TRERF1: variants seen among roughly 807,000 people sequenced by gnomAD.
TRERF1 encodes transcriptional-regulating factor 1.
A neutral mutation model predicts 122.9 loss-of-function variants in TRERF1; 27 were observed. The observed-to-expected ratio is 0.22, with a 90% CI of 0.16 to 0.30. The LOEUF is 0.30. TRERF1 is among the 10% of genes least tolerant of loss of function. TRERF1 has a pLI of 1.00. For synonymous variants in TRERF1, 636 were observed against 641.7 expected (o/e 0.99, Z 0.13); for missense variants, 1,248 against 1,560.3 (o/e 0.80, Z 3.37).
At chr6:42,254,178 G>A (rs1027468358) in intron 13 of TRERF1, among the ~76,000 whole-genome samples, 2 of 152,060 alleles carry the variant, frequency 1.3e-5, no homozygotes, top group Admixed American at 6.5e-5. Flanking sequence ...AAAACCCTGC[G>A]TGTATGAAGA....
At chr6:42,243,806 T>A (rs1774214782) in intron 14 of TRERF1, among the ~76,000 whole-genome samples, 3 of 151,480 alleles carry the variant, frequency 2.0e-5, no homozygotes, top group Admixed American at 2.0e-4. Context: ...GGTCTTGATC[T>A]CCTGACCTCG....
chr6:42,450,410 G>A (rs1582317603), intron 2 of TRERF1, among the ~76,000 whole-genome samples: 1 of 152,368 alleles, frequency 6.6e-6, no homozygotes, highest in African/African-American at 2.4e-5. Context: ...AGACAGCCCA[G>A]GCCATGCTGA....
intron 2 of TRERF1, among the ~76,000 whole-genome samples, chr6:42,398,572 T>C (rs1175488795): frequency 6.6e-6 from 1 of 152,210 alleles, no homozygotes; most frequent in Non-Finnish European, 1.5e-5. Context: ...AGTTATGTTA[T>C]GGTTCTGCCC....
At chr6:42,378,725 A>G (rs1775355587) in intron 2 of TRERF1, among the ~76,000 whole-genome samples, 1 of 152,176 alleles carries the variant, frequency 6.6e-6, no homozygotes, top group Non-Finnish European at 1.5e-5. Context: ...GAGGGGAAGT[A>G]ACTGTCCAAG....
chr6:42,294,268 G>A (rs574181352), intron 4 of TRERF1, among the ~76,000 whole-genome samples: 16 of 142,772 alleles, frequency 1.1e-4, no homozygotes, highest in Admixed American at 5.3e-4. Context: ...TGCAACCTCC[G>A]CTTCCTGGGT....
chr6:42,357,826 A>G (rs1303618253), intron 3 of TRERF1, among the ~76,000 whole-genome samples: 1 of 152,198 alleles, frequency 6.6e-6, no homozygotes, highest in African/African-American at 2.4e-5. Flanking sequence ...TGAAAGCAGA[A>G]TGAGTAATGT....
chr6:42,387,948 C>T (rs1289008251), intron 2 of TRERF1, among the ~76,000 whole-genome samples: 1 of 152,162 alleles, frequency 6.6e-6, no homozygotes, highest in Non-Finnish European at 1.5e-5. Flanking sequence ...GCTGGAATCA[C>T]AGGTACATGC....
At chr6:42,425,512 G>A (rs887203247) in intron 2 of TRERF1, among the ~76,000 whole-genome samples, 5 of 131,926 alleles carry the variant, frequency 3.8e-5, no homozygotes, top group Non-Finnish European at 6.3e-5. Context: ...TACCTAAACC[G>A]ACACGGCCCC....
At position 42,393,603 on chromosome 6, in the gene TRERF1, T is replaced by C. The variant is rs757278624; in HGVS notation, c.-453-30524A>G. Among the ~76,000 whole-genome samples the C allele has an allele frequency of 2.0e-4, 31 of 152,226 alleles. No homozygotes were observed. Among genetic ancestry groups the C allele is most frequent in the Non-Finnish European group, 4.1e-4 (28 of 68,038 alleles). On this transcript the variant is annotated intron_variant, in intron 2 of 17. Coordinates refer to ENST00000372922, the Ensembl canonical transcript of TRERF1. The surrounding 1 kb of genome is among the most constrained non-coding windows in gnomAD (Gnocchi z 4.1). ...TAGTTCAGTGTGCTTCACCAGAGAA[T>C]TTCTTTCCTAAAACAGTGACCTAGC...
At chr6:42,394,557 G>A (rs1581975553) in intron 2 of TRERF1, among the ~76,000 whole-genome samples, 6 of 152,168 alleles carry the variant, frequency 3.9e-5, no homozygotes, top group Non-Finnish European at 1.5e-5. Context: ...CTCAGCCAGC[G>A]AGTGTCCAGG....
intron 2 of TRERF1, among the ~76,000 whole-genome samples, chr6:42,387,773 C>A (rs1562114252): frequency 6.9e-6 from 1 of 144,618 alleles, no homozygotes; most frequent in Non-Finnish European, 1.5e-5. Flanking sequence ...ATTTTTACAT[C>A]AGTAAACCAA....
At chr6:42,265,441 C>T (rs1390282419) in intron 6 of TRERF1, among the ~76,000 whole-genome samples, 1 of 152,202 alleles carries the variant, frequency 6.6e-6, no homozygotes. Flanking sequence ...AGCATTGTTA[C>T]TTGATATGTA....
intron 4 of TRERF1, among the ~76,000 whole-genome samples, chr6:42,280,269 T>C (rs1782066772): frequency 6.6e-6 from 1 of 152,246 alleles, no homozygotes. Context: ...AGGGGACCTC[T>C]GGCAACTAGG....
rs765095881 is a variant in TRERF1, at chr6:42,262,589, G to C, written c.1884+731C>G. Among the ~76,000 whole-genome samples the C allele has an allele frequency of 7.2e-4, 101 of 139,996 alleles. 10 individuals are homozygous for C. Among genetic ancestry groups the C allele is most frequent in the African/African-American group, 2.7e-3 (89 of 32,476 alleles). The allele number at this position is 139,996 out of a possible 152,430, so 91.8% of individuals were successfully genotyped here. On this transcript the variant is annotated intron_variant, in intron 8 of 17. Coordinates refer to ENST00000372922, the Ensembl canonical transcript of TRERF1. ...AGAGAGAGAGAGAGAGAGAGAGAGA[G>C]AGAGAGAGAGACAGACAGACGGAAA...
At chr6:42,256,182 G>T (rs1324935667) in intron 12 of TRERF1, among the ~76,000 whole-genome samples, 2 of 150,002 alleles carry the variant, frequency 1.3e-5, no homozygotes, top group Non-Finnish European at 3.0e-5. Context: ...TCAACTGTTA[G>T]CTCTGATTTT....
At chr6:42,365,002 C>T (rs1368225854) in intron 2 of TRERF1, among the ~76,000 whole-genome samples, 2 of 152,052 alleles carry the variant, frequency 1.3e-5, no homozygotes, top group African/African-American at 4.8e-5. Flanking sequence ...TGGGAACGAG[C>T]CCAGATGCAG....
chr6:42,256,340 A>T (rs1041595651), intron 12 of TRERF1, among the ~76,000 whole-genome samples: 1 of 152,190 alleles, frequency 6.6e-6, no homozygotes, highest in Non-Finnish European at 1.5e-5. Flanking sequence ...GCTGATTTCC[A>T]TAGTAGGGAA....
rs1554133983 is a variant in TRERF1 at position 42,262,433 on chromosome 6, G to GCCGAGAGA, written c.1884+886_1884+887insTCTCTCGG. Reference sequence around the variant, plus strand: ...CACACAGGTCACAAATTCCCTAGGGGCAGAGAGAGAGAGAGAGAGAGAGAG... The same window carrying GCCGAGAGA: ...CACACAGGTCACAAATTCCCTAGGGGCCGAGAGACAGAGAGAGAGAGAGAGAGAGAGAG... On this transcript the variant is annotated intron_variant, in intron 8 of 17. Coordinates refer to ENST00000372922, the Ensembl canonical transcript of TRERF1. Among the ~76,000 whole-genome samples, 29 of 11,770 alleles carry GCCGAGAGA rather than the reference G, an allele frequency of 2.5e-3. 11 individuals carry two copies. The highest frequency in any genetic ancestry group is 4.9e-3 in the African/African-American group (12 of 2,430). The allele number at this position is 11,770 out of a possible 152,430, so 7.7% of individuals were successfully genotyped here.
chr6:42,329,340 T>A (rs1344779762), intron 3 of TRERF1, among the ~76,000 whole-genome samples: 4 of 151,984 alleles, frequency 2.6e-5, no homozygotes, highest in Non-Finnish European at 4.4e-5. Context: ...ATCCCCATCA[T>A]GCCCCCTCCT....
Sources: allele counts gnomAD v4.1 joint callset (sites outside exome capture counted in the v4.1 genomes callset), GRCh38; gene constraint gnomAD v4.1.1; non-coding constraint Gnocchi (gnomAD v3.1); transcripts MANE v1.5; gene names NCBI Gene and HGNC (gene_info 2026-07-23, HGNC 2026-07-21).